GRIA3: variants seen among roughly 807,000 people sequenced by gnomAD.
GRIA3 encodes the protein glutamate receptor 3.
In GRIA3, 3 loss-of-function variants were observed where a neutral mutation model predicts 63.0. That is an observed-to-expected ratio of 0.05 (90% confidence interval 0.02 to 0.12). The LOEUF (loss-of-function observed/expected upper bound fraction) is 0.12. GRIA3 is among the 10% of genes least tolerant of loss of function. The pLI is 1.00. For missense variants in GRIA3, 347 were observed against 700.9 expected (o/e 0.50, Z 5.70); for synonymous variants, 274 against 257.9 (o/e 1.06, Z -0.60).
chrX:123,227,305 T>C (rs372174912), intron 2 of GRIA3, among the ~76,000 whole-genome samples: 16 of 112,017 alleles, frequency 1.4e-4, no homozygotes, highest in African/African-American at 4.9e-4. Context: ...TGAGGCCTTA[T>C]TTTCCTTTGT....
intron 2 of GRIA3, among the ~76,000 whole-genome samples, chrX:123,252,985 A>G (rs1304883693): frequency 1.8e-5 from 2 of 111,984 alleles, no homozygotes; most frequent in Admixed American, 9.4e-5. Flanking sequence ...CTGGGCAGCT[A>G]AAGTGGAAGT....
At chrX:123,206,400 G>A (rs1238157830) in intron 2 of GRIA3, among the ~76,000 whole-genome samples, 2 of 111,903 alleles carry the variant, frequency 1.8e-5, no homozygotes, top group Admixed American at 9.5e-5. Flanking sequence ...GGCTTCTTTC[G>A]CTAGTAGAGT....
At chrX:123,451,718 A>G (rs1292989931) in intron 12 of GRIA3, among the ~76,000 whole-genome samples, 1 of 108,389 alleles carries the variant, frequency 9.2e-6, no homozygotes, top group Non-Finnish European at 1.9e-5. Flanking sequence ...GACCTGAGCA[A>G]CTGGACAAAT....
intron 2 of GRIA3, among the ~76,000 whole-genome samples, chrX:123,196,395 A>T (rs906210998): frequency 8.9e-6 from 1 of 112,148 alleles, no homozygotes; most frequent in Non-Finnish European, 1.9e-5. Context: ...TAACAGCAAG[A>T]CTCAGACAAT....
rs1050709747 is a variant in GRIA3 at position 123,485,854 on chromosome X, T to C, written c.*2+2808T>C. On this transcript the variant is annotated intron_variant, in intron 15 of 15. Transcript: ENST00000620443. ...AACATTAGTGTGCATGCAACTCATG[T>C]GGGAACCTTCTAAAAATATAGATCC... 9.0e-5 allele frequency among the ~76,000 whole-genome samples: 10 copies of C among 111,114 alleles called. No individual in the cohort carries two copies. The South Asian group carries it at 2.3e-3, about 26-fold the overall frequency.
At chrX:123,354,618 G>A (rs2045121075) in intron 4 of GRIA3, among the ~76,000 whole-genome samples, 1 of 111,373 alleles carries the variant, frequency 9.0e-6, no homozygotes, top group Admixed American at 9.6e-5. Context: ...TCATGAGTGG[G>A]GGATCTTCAG....
chrX:123,387,906 C>T (rs1359211512), intron 5 of GRIA3, among the ~76,000 whole-genome samples: 1 of 111,500 alleles, frequency 9.0e-6, no homozygotes, highest in Non-Finnish European at 1.9e-5. Flanking sequence ...TTGTTGCATC[C>T]TTGTCTGGTT....
intron 5 of GRIA3, among the ~76,000 whole-genome samples, chrX:123,377,464 G>C (rs1207614843): frequency 8.9e-6 from 1 of 111,799 alleles, no homozygotes; most frequent in Non-Finnish European, 1.9e-5. Flanking sequence ...TTAGTTGTAA[G>C]TTCCTTATTT....
At chrX:123,423,511 T>C (rs746692977) in intron 11 of GRIA3, among the ~76,000 whole-genome samples, 1 of 112,276 alleles carries the variant, frequency 8.9e-6, no homozygotes, top group Non-Finnish European at 1.9e-5. Context: ...GAATTTTTAT[T>C]ACAACTACTT....
chrX:123,331,232 A>T (rs1428738193), intron 4 of GRIA3, among the ~76,000 whole-genome samples: 2 of 112,047 alleles, frequency 1.8e-5, no homozygotes, highest in Admixed American at 1.9e-4. Context: ...AAATCACTTC[A>T]TCATGGATGA....
chrX:123,324,641 T>C (rs773910736), intron 3 of GRIA3, among the ~76,000 whole-genome samples: 1 of 111,990 alleles, frequency 8.9e-6, no homozygotes. Flanking sequence ...AAAGCAATGG[T>C]AATTTACTCT....
chrX:123,331,527 C>G (rs1209807371), intron 4 of GRIA3, among the ~76,000 whole-genome samples: 1 of 111,098 alleles, frequency 9.0e-6, no homozygotes, highest in Non-Finnish European at 1.9e-5. Flanking sequence ...ACAAGTGAAG[C>G]AAAAATGTTA....
At chrX:123,345,475 C>CACAT (rs1556299296) in intron 4 of GRIA3, among the ~76,000 whole-genome samples, 120 of 108,359 alleles carry the variant, frequency 1.1e-3, no homozygotes, top group African/African-American at 3.8e-3. Flanking sequence ...CACACACACA[C>CACAT]ACACACACAC....
intron 7 of GRIA3, among the ~76,000 whole-genome samples, chrX:123,402,324 T>C (rs778612671): frequency 2.2e-4 from 24 of 110,491 alleles, no homozygotes; most frequent in African/African-American, 7.2e-4. Flanking sequence ...ATAATTAATA[T>C]AGCTAGCATG....
At chrX:123,272,951 C>G (rs1252403488) in intron 3 of GRIA3, among the ~76,000 whole-genome samples, 1 of 111,669 alleles carries the variant, frequency 9.0e-6, no homozygotes, top group Non-Finnish European at 1.9e-5. Context: ...ACCTGTCCCC[C>G]TAAACTTGGA....
rs776592486 is a variant in GRIA3 at position 123,254,948 on chromosome X, CTT to C, written c.508+1407_508+1408del. Among the ~76,000 whole-genome samples the C allele has an allele frequency of 1.0e-3, 113 of 111,623 alleles. 1 individual carries two copies. The highest frequency in any genetic ancestry group is 3.3e-3 in the African/African-American group (102 of 30,693). Reference sequence around the variant, plus strand: ...CTTTGTATCTTGCTACTAATCGTAACTTATATATTATCAGTTAATTAGTCAAT... The same window carrying C: ...CTTTGTATCTTGCTACTAATCGTAACATATATTATCAGTTAATTAGTCAAT... On this transcript the variant is annotated intron_variant, in intron 3 of 15. Transcript: ENST00000620443.
intron 4 of GRIA3, among the ~76,000 whole-genome samples, chrX:123,341,980 T>A (rs1268808846): frequency 9.0e-6 from 1 of 111,466 alleles, no homozygotes; most frequent in Non-Finnish European, 1.9e-5. Flanking sequence ...GTGGGTTTTT[T>A]TTTTTCATTA....
At chrX:123,344,123 CTTATCA>C (rs2045028111) in intron 4 of GRIA3, among the ~76,000 whole-genome samples, 1 of 112,017 alleles carries the variant, frequency 8.9e-6, no homozygotes, top group Admixed American at 9.4e-5. Context: ...AGAGTGCACT[CTTATCA>C]TTAACTATGC....
chrX:123,468,555 G>T (rs2045846544), intron 13 of GRIA3, among the ~76,000 whole-genome samples: 2 of 112,100 alleles, frequency 1.8e-5, no homozygotes, highest in Non-Finnish European at 3.8e-5. Context: ...ATATCTATAG[G>T]CTAAAGTAGC....
Sources: allele counts gnomAD v4.1 joint callset (sites outside exome capture counted in the v4.1 genomes callset), GRCh38; gene constraint gnomAD v4.1.1; transcripts MANE v1.5; gene names NCBI Gene and HGNC (gene_info 2026-07-23, HGNC 2026-07-21).